ELMOD1: variants seen among roughly 807,000 people sequenced by gnomAD.
ELMOD1 encodes the protein ELMO domain containing 1, also known as ELMO domain-containing protein 1.
ELMOD1 carries 21 observed loss-of-function variants against 46.7 expected under a neutral mutation model. That is an observed-to-expected ratio of 0.45 (90% CI 0.32 to 0.65). ELMOD1 has a LOEUF of 0.65. ELMOD1 is among the 30% of genes least tolerant of loss of function. ELMOD1 has a pLI of 0.04. For synonymous variants in ELMOD1, 122 were observed against 138.2 expected, an observed-to-expected ratio of 0.88 and a Z score of 0.82; for missense variants, 348 against 407.8, an observed-to-expected ratio of 0.85 and a Z score of 1.26.
chr11:107,628,126 T>C (rs1358617102), intron 2 of ELMOD1, among the ~76,000 whole-genome samples: 1 of 151,302 alleles, frequency 6.6e-6, no homozygotes. Context: ...AGTTAGAAAA[T>C]GAAAAACATT....
intron 1 of ELMOD1, among the ~76,000 whole-genome samples, chr11:107,599,666 C>CAGGAGGCAGAGGTTACAATGAGCCA (rs1441661480): frequency 2.1e-5 from 3 of 139,612 alleles, no homozygotes; most frequent in Admixed American, 8.2e-5. Context: ...CACTTGAACC[C>CAGGAGGCAGAGGTTACAATGAGCCA]AGGAGGCAGA....
chr11:107,644,163 G>A (rs1203533888), intron 6 of ELMOD1, among the ~76,000 whole-genome samples: 1 of 151,838 alleles, frequency 6.6e-6, no homozygotes, highest in Admixed American at 6.6e-5. Context: ...GGGCATGGTG[G>A]TACACACCTG....
intron 7 of ELMOD1, among the ~76,000 whole-genome samples, chr11:107,649,655 G>A (rs566732427): frequency 1.4e-4 from 21 of 152,246 alleles, no homozygotes; most frequent in Admixed American, 1.4e-3. Flanking sequence ...AATTTCCTGA[G>A]AGGAAATTCA....
At chr11:107,647,438 A>T in intron 6 of ELMOD1, 30 bp from the exon 7 acceptor site, 1 of 1,600,674 alleles carries the variant, frequency 6.2e-7, no homozygotes, top group Non-Finnish European at 8.5e-7. Flanking sequence ...GGGTGTATCA[A>T]CAGAGTAATC....
At chr11:107,601,511 G>C (rs757263997) in intron 1 of ELMOD1, among the ~76,000 whole-genome samples, 2 of 147,440 alleles carry the variant, frequency 1.4e-5, no homozygotes, top group Non-Finnish European at 3.0e-5. Context: ...TGTCTCCTAA[G>C]TTCAAGCAAT....
intron 1 of ELMOD1, chr11:107,592,716 A>C: frequency 4.5e-6 from 1 of 223,572 alleles, no homozygotes; most frequent in Non-Finnish European, 9.2e-6. Context: ...TCTTCTCTGT[A>C]AGACATCACT....
intron 11 of ELMOD1, among the ~76,000 whole-genome samples, chr11:107,658,205 G>A (rs914225466): frequency 2.6e-5 from 4 of 152,204 alleles, no homozygotes; most frequent in Admixed American, 6.5e-5. Flanking sequence ...AGGAAAGCAG[G>A]AATTAGGGCA....
intron 6 of ELMOD1, among the ~76,000 whole-genome samples, chr11:107,642,259 T>A (rs2135700835): frequency 6.6e-6 from 1 of 151,936 alleles, no homozygotes; most frequent in Non-Finnish European, 1.5e-5. Flanking sequence ...CATTTTTTAA[T>A]AGATGGGTTT....
At chr11:107,599,740 C>CAAAA (rs56992146) in intron 1 of ELMOD1, among the ~76,000 whole-genome samples, 19 of 91,212 alleles carry the variant, frequency 2.1e-4, no homozygotes, top group Admixed American at 2.0e-3. Flanking sequence ...AGACCTGTCT[C>CAAAA]AAAAAAAAAA....
At chr11:107,641,760 T>G (rs1866327346) in intron 6 of ELMOD1, among the ~76,000 whole-genome samples, 1 of 152,188 alleles carries the variant, frequency 6.6e-6, no homozygotes, top group Non-Finnish European at 1.5e-5. Flanking sequence ...TCATTTGCAC[T>G]TATATTTAGA....
At chr11:107,626,215 A>C (rs1866037989) in intron 2 of ELMOD1, among the ~76,000 whole-genome samples, 1 of 152,064 alleles carries the variant, frequency 6.6e-6, no homozygotes, top group South Asian at 2.1e-4. Context: ...GATTCAGCCT[A>C]GGAGGGAAAG....
chr11:107,658,486 A>G (rs985357544), intron 11 of ELMOD1, among the ~76,000 whole-genome samples: 2 of 152,226 alleles, frequency 1.3e-5, no homozygotes, highest in African/African-American at 4.8e-5. Flanking sequence ...ATTTTACTAT[A>G]GATTAGGTTC....
chr11:107,655,997 G>A lies in ELMOD1; in HGVS notation c.763G>A (p.Ala255Thr), dbSNP rs761744629. ...GGCATATAATCTACTGGTCAGCGGA[G>A]CTCTAAAAACCCATTTCTACAATAT... is the stretch of plus-strand genomic sequence containing the variant. ...DLAYNLLVSGALKTHFYNIAP... is the reference protein window; with the variant it reads ...DLAYNLLVSGTLKTHFYNIAP... Residue 255 changes from alanine to threonine, a missense_variant, in exon 11 of 12, where the codon GCT (alanine) becomes ACT (threonine). Coordinates refer to ENST00000265840, the MANE Select transcript of ELMOD1 (RefSeq NM_018712.4). 2.5e-6 allele frequency: 4 copies of A among 1,584,348 alleles called. No individual in the cohort carries two copies. In the South Asian group the frequency reaches 3.4e-5, roughly 14 times the overall value.
chr11:107,634,521 C>T (rs1866194580), intron 5 of ELMOD1, among the ~76,000 whole-genome samples: 1 of 152,086 alleles, frequency 6.6e-6, no homozygotes, highest in African/African-American at 2.4e-5. Context: ...GGCAGATCAC[C>T]TGAGGTCAGG....
chr11:107,605,390 G>A (rs918080142), intron 1 of ELMOD1, among the ~76,000 whole-genome samples: 6 of 152,002 alleles, frequency 3.9e-5, no homozygotes, highest in African/African-American at 1.4e-4. Flanking sequence ...TAGTAGAGAT[G>A]GGTTTTCACC....
At chr11:107,639,981 G>A (rs979561621) in intron 6 of ELMOD1, among the ~76,000 whole-genome samples, 4 of 152,056 alleles carry the variant, frequency 2.6e-5, no homozygotes, top group African/African-American at 9.7e-5. Flanking sequence ...GAAGAGAATC[G>A]AAATAGCTCA....
chr11:107,601,786 CAG>C (rs1431748348), intron 1 of ELMOD1, among the ~76,000 whole-genome samples: 2 of 152,118 alleles, frequency 1.3e-5, no homozygotes, highest in African/African-American at 4.8e-5. Context: ...CCCAAACCAA[CAG>C]AGTTGTGAAT....
At chr11:107,604,212 T>C (rs1205147106) in intron 1 of ELMOD1, among the ~76,000 whole-genome samples, 4 of 152,162 alleles carry the variant, frequency 2.6e-5, no homozygotes, top group Non-Finnish European at 5.9e-5. Flanking sequence ...ACAGTGTATG[T>C]ATGGATACAT....
intron 6 of ELMOD1, among the ~76,000 whole-genome samples, chr11:107,641,939 CTTTTTTTTTTTTTTTT>C (rs34475862): frequency 8.0e-5 from 8 of 100,478 alleles, no homozygotes; most frequent in African/African-American, 3.2e-4. Flanking sequence ...TGAGCTTACT[CTTTTTTTTTTTTTTTT>C]TTTTTTTTAG....
Sources: allele counts gnomAD v4.1 joint callset (sites outside exome capture counted in the v4.1 genomes callset), GRCh38; gene constraint gnomAD v4.1.1; transcripts MANE v1.5; gene names NCBI Gene and HGNC (gene_info 2026-07-23, HGNC 2026-07-21).